The following ANKRD44 variants were observed in gnomAD, a reference collection of about 807,000 sequenced individuals.
ANKRD44 encodes the protein serine/threonine-protein phosphatase 6 regulatory ankyrin repeat subunit B.
A neutral mutation model predicts 116.0 loss-of-function variants in ANKRD44; 35 were observed. The ratio of observed to expected loss-of-function variants is 0.30; its 90% CI spans 0.23 to 0.40. The LOEUF (loss-of-function observed/expected upper bound fraction) is 0.40. Ranked by LOEUF, ANKRD44 falls within the 10% of genes least tolerant of loss-of-function variation. The pLI is 1.00. For synonymous variants in ANKRD44, 435 were observed against 461.8 expected (o/e 0.94, Z 0.74); for missense variants, 1,014 against 1,242.6 (o/e 0.82, Z 2.77).
At chr2:197,148,196 A>C (rs1484512437) in intron 2 of ANKRD44, among the ~76,000 whole-genome samples, 1 of 152,216 alleles carries the variant, frequency 6.6e-6, no homozygotes, top group Non-Finnish European at 1.5e-5. Context: ...TACGAAGCCC[A>C]TTATTGTCAT....
At chr2:197,178,512 T>C (rs774611285) in intron 2 of ANKRD44, among the ~76,000 whole-genome samples, 56 of 151,952 alleles carry the variant, frequency 3.7e-4, no homozygotes, top group Non-Finnish European at 7.7e-4. Context: ...AATGACAGTA[T>C]ATCATTGTTT....
At position 197,100,587 on chromosome 2, in the gene ANKRD44, C is replaced by T. The variant is rs73051303; in HGVS notation, c.986-657G>A. ...TAAAGTGTAATTCTGAAGACATGTTCAATTTTAATTTTCCCTGCTGAATTA... is the reference window on the plus strand; with the variant it reads ...TAAAGTGTAATTCTGAAGACATGTTTAATTTTAATTTTCCCTGCTGAATTA... On this transcript the variant is annotated intron_variant, in intron 9 of 27. Coordinates refer to ENST00000282272, the MANE Select transcript of ANKRD44 (RefSeq NM_001195144.2). 5.8e-3 allele frequency among the ~76,000 whole-genome samples: 884 copies of T among 152,270 alleles called. 10 individuals are homozygous for T. The highest frequency in any genetic ancestry group is 0.02 in the African/African-American group (844 of 41,548).
chr2:197,127,425 T>G (rs1273536189), intron 4 of ANKRD44, among the ~76,000 whole-genome samples: 1 of 152,200 alleles, frequency 6.6e-6, no homozygotes, highest in African/African-American at 2.4e-5. Context: ...TTTAAAAGTT[T>G]TAAGCTTGGA....
chr2:197,000,350 C>T, intron 23 of ANKRD44, 69 bp downstream of exon 23: 1 of 1,196,670 alleles, frequency 8.4e-7, no homozygotes, highest in Non-Finnish European at 1.2e-6. Context: ...AGATGTTTGG[C>T]TACTCTGCAA....
intron 18 of ANKRD44, among the ~76,000 whole-genome samples, chr2:197,011,322 T>C (rs2076295788): frequency 6.6e-6 from 1 of 152,216 alleles, no homozygotes; most frequent in African/African-American, 2.4e-5. Context: ...CATTTGATAT[T>C]TGGCTAAACA....
intron 10 of ANKRD44, among the ~76,000 whole-genome samples, chr2:197,093,616 T>C (rs751721599): frequency 1.3e-5 from 2 of 152,216 alleles, no homozygotes; most frequent in Non-Finnish European, 2.9e-5. Flanking sequence ...ATGGTTCAAA[T>C]AGTAAAACTA....
At chr2:197,288,399 C>T (rs2083466947) in intron 1 of ANKRD44, among the ~76,000 whole-genome samples, 1 of 152,064 alleles carries the variant, frequency 6.6e-6, no homozygotes, top group African/African-American at 2.4e-5. Context: ...CTCCATACAA[C>T]CACTATGGAG....
chr2:197,075,631 A>T (rs944626475), intron 16 of ANKRD44, among the ~76,000 whole-genome samples: 4 of 152,238 alleles, frequency 2.6e-5, no homozygotes, highest in African/African-American at 9.6e-5. Flanking sequence ...TAAGGGGTTC[A>T]TACTACCTTT....
At chr2:197,106,717 G>A (rs2078437330) in intron 9 of ANKRD44, among the ~76,000 whole-genome samples, 1 of 151,604 alleles carries the variant, frequency 6.6e-6, no homozygotes, top group Admixed American at 6.6e-5. Flanking sequence ...GTGAACCCGG[G>A]AGGCAAAGCT....
At chr2:196,998,680 T>C (rs564800594) in intron 24 of ANKRD44, among the ~76,000 whole-genome samples, 1 of 152,302 alleles carries the variant, frequency 6.6e-6, no homozygotes, top group East Asian at 1.9e-4. Context: ...GGTTTCTAAA[T>C]GTTGATAATT....
At chr2:197,271,539 T>G (rs1335071287) in intron 1 of ANKRD44, among the ~76,000 whole-genome samples, 1 of 152,258 alleles carries the variant, frequency 6.6e-6, no homozygotes, top group Admixed American at 6.5e-5. Flanking sequence ...CTAAATGTGA[T>G]ATAAAATTAT....
intron 2 of ANKRD44, among the ~76,000 whole-genome samples, chr2:197,170,840 C>T (rs1403475711): frequency 2.6e-5 from 4 of 152,060 alleles, no homozygotes; most frequent in East Asian, 1.9e-4. Flanking sequence ...ATCAGAGAAG[C>T]GGCTTCATGT....
At chr2:197,124,175 A>T (rs1010315269) in intron 6 of ANKRD44, among the ~76,000 whole-genome samples, 7 of 151,988 alleles carry the variant, frequency 4.6e-5, no homozygotes, top group African/African-American at 1.5e-4. Flanking sequence ...TTTTTTTTTT[A>T]AATGCTAATG....
At chr2:197,022,007 A>T (rs922644421) in intron 17 of ANKRD44, among the ~76,000 whole-genome samples, 2 of 152,224 alleles carry the variant, frequency 1.3e-5, no homozygotes, top group Non-Finnish European at 2.9e-5. Flanking sequence ...TATGAAATTC[A>T]CTGGGCCAAT....
chr2:196,972,983 C>G (rs2075725991), intron 21 of ANKRD44, among the ~76,000 whole-genome samples: 1 of 152,084 alleles, frequency 6.6e-6, no homozygotes, highest in South Asian at 2.1e-4. Context: ...TGTTTTTCTT[C>G]CTTAGATAAA....
At chr2:197,103,764 CT>C (rs935747753) in intron 9 of ANKRD44, among the ~76,000 whole-genome samples, 158 of 152,236 alleles carry the variant, frequency 1.0e-3, no homozygotes, top group African/African-American at 3.5e-3. Flanking sequence ...CAGAAGTCAT[CT>C]ATAAATTCAC....
At chr2:197,132,477 A>T (rs1196732830) in intron 4 of ANKRD44, among the ~76,000 whole-genome samples, 1 of 152,264 alleles carries the variant, frequency 6.6e-6, no homozygotes. Flanking sequence ...TGAACTTAGC[A>T]ATGCACCTTA....
rs543588258 is a variant in ANKRD44 at position 197,124,024 on chromosome 2, T to A, written c.551-1232A>T. 3.3e-5 allele frequency among the ~76,000 whole-genome samples: 5 copies of A among 152,290 alleles called. No individual in the cohort carries two copies. The South Asian group carries it at 1.0e-3, about 32-fold the overall frequency. On this transcript the variant is annotated intron_variant, in intron 6 of 27. Coordinates refer to ENST00000282272, the MANE Select transcript of ANKRD44 (RefSeq NM_001195144.2). ...CATCAGCAGAGAGCAATCGTGAAAC[T>A]TTGCATTCTTTGAGTCCTATCCACA...
chr2:196,991,830 G>T (rs895926485), intron 27 of ANKRD44, among the ~76,000 whole-genome samples: 1 of 151,564 alleles, frequency 6.6e-6, no homozygotes, highest in Non-Finnish European at 1.5e-5. Context: ...GGGCTCAAGC[G>T]ATCCTCCCAC....
Sources: gnomAD v4.1 joint callset for allele counts (sites outside exome capture counted in the v4.1 genomes callset) on GRCh38, gnomAD v4.1.1 for gene constraint, MANE v1.5 for transcripts, NCBI Gene and HGNC (gene_info 2026-07-23, HGNC 2026-07-21) for gene names.